KLF13: variants seen among roughly 807,000 people sequenced by gnomAD.
The protein encoded by KLF13 is KLF transcription factor 13, also known as Krueppel-like factor 13.
Under a neutral mutation model 16.7 loss-of-function variants are expected in KLF13, and 8 were observed. The ratio of observed to expected loss-of-function variants is 0.48; its 90% CI spans 0.28 to 0.87. The LOEUF is 0.87. Ranked by LOEUF, KLF13 falls within the 40% of genes least tolerant of loss-of-function variation. KLF13 has a pLI of 0.10. For synonymous variants in KLF13, 245 were observed against 208.4 expected, an observed-to-expected ratio of 1.18 and a Z score of -1.51; for missense variants, 447 against 452.2, an observed-to-expected ratio of 0.99 and a Z score of 0.10.
chr15:31,388,143 G>A (rs2039814575), upstream of KLF13, among the ~76,000 whole-genome samples: 1 of 152,132 alleles, frequency 6.6e-6, no homozygotes, highest in African/African-American at 2.4e-5. Context: ...GGGCCTGGGT[G>A]GTTATTATTC....
intron 1 of KLF13, among the ~76,000 whole-genome samples, chr15:31,416,576 C>A (rs548666883): frequency 6.9e-4 from 105 of 152,206 alleles, no homozygotes; most frequent in African/African-American, 2.5e-3. Context: ...TTGAAAAACT[C>A]CAACACCTTT....
intron 1 of KLF13, among the ~76,000 whole-genome samples, chr15:31,347,731 T>A (rs1450566467): frequency 6.6e-6 from 1 of 152,206 alleles, no homozygotes; most frequent in Non-Finnish European, 1.5e-5. Flanking sequence ...TGCCATCCTG[T>A]GGCAGCAGCT....
chr15:31,388,438 C>G (rs141237203), upstream of KLF13, among the ~76,000 whole-genome samples: 1 of 151,608 alleles, frequency 6.6e-6, no homozygotes, highest in Non-Finnish European at 1.5e-5. Context: ...ATGGAGAAAC[C>G]CTGTCTCTCC....
chr15:31,406,486 G>T (rs189201578), downstream of KLF13, among the ~76,000 whole-genome samples: 1 of 152,278 alleles, frequency 6.6e-6, no homozygotes, highest in East Asian at 1.9e-4. Flanking sequence ...GACAGAGTGA[G>T]ACGTAAAATG....
intron 2 of KLF13, among the ~76,000 whole-genome samples, chr15:31,398,843 A>G (rs914035994): frequency 2.0e-5 from 3 of 152,194 alleles, no homozygotes; most frequent in Non-Finnish European, 4.4e-5. Context: ...AGCCAGGCCA[A>G]GAAGCCGTGG....
rs1279386980 is a variant in KLF13 at position 31,372,448 on chromosome 15, AAAC to A, written c.*152_*154del. The A allele has an allele frequency of 1.1e-6, 1 of 884,898 alleles. No individual in the cohort carries two copies. Among genetic ancestry groups the A allele is most frequent in the Non-Finnish European group, 1.6e-6 (1 of 633,570 alleles). 54.8% of individuals were successfully genotyped at this position (884,898 alleles called of 1,614,324 possible). A position where few individuals can be genotyped will look rare whatever the true frequency, so the allele number is the denominator to read the frequency against. ...AGGTGTCAAAGTAAATTTGTTAAAA[AAAC>A]AAAAAAAACACAAAAATTTCAAAAA... is the stretch of plus-strand genomic sequence containing the variant. On this transcript the variant is annotated 3_prime_UTR_variant, in exon 2 of 2. Coordinates refer to ENST00000307145, the MANE Select transcript of KLF13 (RefSeq NM_015995.4).
chr15:31,353,383 G>T (rs1430931483), intron 1 of KLF13, among the ~76,000 whole-genome samples: 2 of 150,146 alleles, frequency 1.3e-5, no homozygotes, highest in East Asian at 4.0e-4. Flanking sequence ...GCTGTAGAGG[G>T]CCCCCTTGTG....
chr15:31,405,030 G>C (rs1423219644), downstream of KLF13, among the ~76,000 whole-genome samples: 1 of 152,192 alleles, frequency 6.6e-6, no homozygotes, highest in Admixed American at 6.5e-5. Flanking sequence ...TTATGCTGTA[G>C]ATGGAACCAT....
upstream of KLF13, among the ~76,000 whole-genome samples, chr15:31,391,428 TG>T (rs1251169102): frequency 1.3e-5 from 1 of 78,584 alleles, no homozygotes; most frequent in Non-Finnish European, 2.6e-5. Flanking sequence ...GGATCTCTGT[TG>T]GGGGGCTGTG....
downstream of KLF13, among the ~76,000 whole-genome samples, chr15:31,408,474 C>G (rs750395164): frequency 1.3e-5 from 2 of 152,064 alleles, no homozygotes; most frequent in Admixed American, 6.6e-5. Context: ...CAAAATAGCC[C>G]CCATTCTAAA....
At chr15:31,385,493 C>T (rs1340669653) in intron 1 of KLF13, among the ~76,000 whole-genome samples, 1 of 152,140 alleles carries the variant, frequency 6.6e-6, no homozygotes, top group African/African-American at 2.4e-5. Context: ...GCCATTTTTC[C>T]AACAGCACAT....
At chr15:31,385,902 A>G (rs1009819078) in intron 1 of KLF13, among the ~76,000 whole-genome samples, 2 of 152,262 alleles carry the variant, frequency 1.3e-5, no homozygotes, top group African/African-American at 4.8e-5. Flanking sequence ...AAGGTGAGGT[A>G]GGCTGTGCCA....
chr15:31,354,381 T>C (rs1225291680), intron 1 of KLF13, among the ~76,000 whole-genome samples: 1 of 152,122 alleles, frequency 6.6e-6, no homozygotes, highest in African/African-American at 2.4e-5. Flanking sequence ...AGTTTTGTAA[T>C]TTTTGTTTTT....
chr15:31,339,856 C>T, intron 1 of KLF13: 1 of 676,670 alleles, frequency 1.5e-6, no homozygotes, highest in Non-Finnish European at 2.7e-6. Flanking sequence ...CCAGGTGGCA[C>T]TTTGCTGTGG....
intron 1 of KLF13, among the ~76,000 whole-genome samples, chr15:31,347,468 C>T (rs2039141656): frequency 6.6e-6 from 1 of 152,170 alleles, no homozygotes; most frequent in African/African-American, 2.4e-5. Flanking sequence ...CAAAGGGCAC[C>T]CTCAGGGGGC....
chr15:31,328,453 G>A (rs970356825), intron 1 of KLF13, among the ~76,000 whole-genome samples: 1 of 151,932 alleles, frequency 6.6e-6, no homozygotes, highest in African/African-American at 2.4e-5. Context: ...GGCTCTTTGT[G>A]GGAGCCCCCG....
chr15:31,426,199 A>T (rs576264980), intron 1 of KLF13, among the ~76,000 whole-genome samples: 1 of 152,164 alleles, frequency 6.6e-6, no homozygotes, highest in African/African-American at 2.4e-5. Context: ...ACATTTTTCT[A>T]TCTTTTTCTG....
rs569282349 is a variant in KLF13, at chr15:31,386,953, C to T, written n.224-48417C>T. On this transcript the variant is annotated intron_variant and non_coding_transcript_variant, in intron 1 of 1. Coordinates refer to the KLF13 transcript ENST00000558921. ...TAAGCCCACTTTGAGATCTACTGCT[C>T]AGGAAAAAAGACTCCTTTCCGATGA... Among the ~76,000 whole-genome samples the T allele has an allele frequency of 2.0e-5, 3 of 152,256 alleles. No individual in the cohort carries two copies. In the South Asian group the frequency reaches 6.2e-4, roughly 32 times the overall value.
intron 2 of KLF13, among the ~76,000 whole-genome samples, chr15:31,398,879 C>T (rs528630700): frequency 2.0e-5 from 3 of 152,118 alleles, no homozygotes; most frequent in Non-Finnish European, 2.9e-5. Flanking sequence ...GCCTAGTGCT[C>T]GCCTACACAG....
Sources: allele counts gnomAD v4.1 joint callset (sites outside exome capture counted in the v4.1 genomes callset), GRCh38; gene constraint gnomAD v4.1.1; transcripts MANE v1.5; gene names NCBI Gene and HGNC (gene_info 2026-07-23, HGNC 2026-07-21).